RCL1: variants seen among roughly 807,000 people sequenced by gnomAD.
RCL1 encodes the protein RNA terminal phosphate cyclase like 1.
Under a neutral mutation model 42.4 loss-of-function variants are expected in RCL1, and 24 were observed. That is an observed-to-expected ratio of 0.57 (90% CI 0.41 to 0.80). The LOEUF (loss-of-function observed/expected upper bound fraction) is 0.80, where lower values mean the gene tolerates loss of function less well. Ranked by LOEUF, RCL1 falls within the 30% of genes least tolerant of loss-of-function variation. The probability of loss-of-function intolerance (pLI) is 0.00; values close to 1 mark genes in which losing one functional copy is unlikely to be tolerated. For missense variants in RCL1, 578 were observed against 467.9 expected, an observed-to-expected ratio of 1.24 and a Z score of -2.17; for synonymous variants, 228 against 177.3, an observed-to-expected ratio of 1.29 and a Z score of -2.27.
intron 1 of RCL1, among the ~76,000 whole-genome samples, chr9:4,803,302 C>A (rs1358361550): frequency 2.6e-5 from 4 of 152,122 alleles, no homozygotes; most frequent in African/African-American, 7.2e-5. Context: ...TAACCAAGCA[C>A]CATTATTTAG....
intron 7 of RCL1, among the ~76,000 whole-genome samples, chr9:4,846,379 G>T (rs189124034): frequency 1.3e-5 from 2 of 152,192 alleles, no homozygotes; most frequent in Non-Finnish European, 2.9e-5. Flanking sequence ...GAAGGAGGAG[G>T]TATTCTTTGA....
In RCL1 at chr9:4,860,121, T is replaced by C; in HGVS notation, c.972-4T>C. 6.4e-7 allele frequency: 1 copy of C among 1,560,882 alleles called. No individual in the cohort carries two copies. Among genetic ancestry groups the C allele is most frequent in the South Asian group, 1.2e-5 (1 of 80,528 alleles). ...ATTTATTTATTTATTTTTTTCCTTT[T>C]TAGGATAGAATTTTTGCGGCATTTG... On this transcript the variant is annotated splice_polypyrimidine_tract_variant and splice_region_variant and intron_variant, in intron 8 of 8. Transcript: ENST00000381750.
At chr9:4,850,922 G>T (rs571716867) in intron 8 of RCL1, among the ~76,000 whole-genome samples, 88 of 152,286 alleles carry the variant, frequency 5.8e-4, no homozygotes, top group African/African-American at 1.9e-3. Context: ...TGCACACACG[G>T]TATGAGGTAT....
At chr9:4,839,692 A>AG in intron 5 of RCL1, 1 of 985,274 alleles carries the variant, frequency 1.0e-6, no homozygotes, top group South Asian at 4.7e-5. Context: ...TCCTCATTTC[A>AG]GGTTTGTCCT....
At chr9:4,801,212 T>C (rs954188706) in intron 1 of RCL1, among the ~76,000 whole-genome samples, 5 of 152,192 alleles carry the variant, frequency 3.3e-5, no homozygotes, top group Admixed American at 3.3e-4. Flanking sequence ...TGCTTTTTCA[T>C]CCAGGCTTGA....
chr9:4,796,121 G>A (rs562502251), intron 1 of RCL1, among the ~76,000 whole-genome samples: 112 of 152,146 alleles, frequency 7.4e-4, no homozygotes, highest in Non-Finnish European at 1.5e-3. Flanking sequence ...GGGGGTACAT[G>A]TGCATGTTTG....
At chr9:4,833,570 C>G (rs1470230752) in intron 4 of RCL1, among the ~76,000 whole-genome samples, 1 of 152,194 alleles carries the variant, frequency 6.6e-6, no homozygotes, top group Non-Finnish European at 1.5e-5. Flanking sequence ...GCTCTCTGAT[C>G]TAAATGATCT....
chr9:4,823,441 C>T (rs1009643954), intron 1 of RCL1, 107 bp from the exon 2 acceptor site: 45 of 795,444 alleles, frequency 5.7e-5, no homozygotes, highest in Admixed American at 2.4e-4. Flanking sequence ...CAGGAAGTAA[C>T]CTGCCCTCTA....
At chr9:4,851,883 C>CTTTTTT (rs1374859963) in intron 8 of RCL1, among the ~76,000 whole-genome samples, 3 of 29,722 alleles carry the variant, frequency 1.0e-4, no homozygotes, top group Non-Finnish European at 1.3e-4. Flanking sequence ...ATGTGTGAAA[C>CTTTTTT]TCTTTTTTTT....
chr9:4,803,286 C>T (rs1034229372), intron 1 of RCL1, among the ~76,000 whole-genome samples: 2 of 152,106 alleles, frequency 1.3e-5, no homozygotes, highest in East Asian at 3.9e-4. Context: ...CTTTTAGAAC[C>T]AAGACTAACC....
intron 8 of RCL1, 29 bp from the exon 9 acceptor site, chr9:4,860,092 TTTTA>T (rs746395667): frequency 2.0e-5 from 28 of 1,428,246 alleles, no homozygotes; most frequent in South Asian, 5.6e-5. Flanking sequence ...ATGAATTTCT[TTTTA>T]TTTATTTATT....
intron 1 of RCL1, among the ~76,000 whole-genome samples, chr9:4,814,049 G>A (rs12000272): frequency 0.025 from 3,828 of 152,022 alleles, 148 homozygotes; most frequent in African/African-American, 0.085. Flanking sequence ...GGGGTGGGGG[G>A]AATGACGAGT....
chr9:4,828,209 A>C (rs1325379516), intron 3 of RCL1, among the ~76,000 whole-genome samples: 2 of 151,706 alleles, frequency 1.3e-5, no homozygotes, highest in African/African-American at 4.8e-5. Context: ...CATGATGCAA[A>C]GTACTGAGGT....
chr9:4,799,268 C>T (rs1444790522), intron 1 of RCL1, among the ~76,000 whole-genome samples: 1 of 151,950 alleles, frequency 6.6e-6, no homozygotes, highest in African/African-American at 2.4e-5. Context: ...GCCACAGTGC[C>T]TGGCCGTAAG....
chr9:4,816,382 CT>C (rs1301432300), intron 1 of RCL1, among the ~76,000 whole-genome samples: 3 of 152,180 alleles, frequency 2.0e-5, no homozygotes, highest in African/African-American at 7.2e-5. Flanking sequence ...GATACATTCT[CT>C]GTGAACTTTA....
intron 6 of RCL1, among the ~76,000 whole-genome samples, chr9:4,841,646 C>T (rs899493747): frequency 2.0e-5 from 3 of 152,170 alleles, no homozygotes; most frequent in Non-Finnish European, 2.9e-5. Flanking sequence ...ATTCCATCTG[C>T]ACTCTGTTCC....
intron 7 of RCL1, among the ~76,000 whole-genome samples, chr9:4,845,479 A>T (rs1387307174): frequency 6.6e-6 from 1 of 152,240 alleles, no homozygotes; most frequent in Non-Finnish European, 1.5e-5. Flanking sequence ...GTTTCCTCAA[A>T]ATAGGTGAGG....
At chr9:4,822,053 A>T (rs557991254) in intron 1 of RCL1, among the ~76,000 whole-genome samples, 1 of 152,250 alleles carries the variant, frequency 6.6e-6, no homozygotes, top group Non-Finnish European at 1.5e-5. Flanking sequence ...TGCAACACAC[A>T]GCAGCTTTAT....
Position 4,860,484 on chromosome 9 carries a change from G to C in RCL1, c.*209G>C. On this transcript the variant is annotated 3_prime_UTR_variant, in exon 9 of 9. Coordinates refer to ENST00000381750, the MANE Select transcript of RCL1 (RefSeq NM_005772.5). ...CAGTGGCATTGCCATTGCCCAGGAGGGGCCCAGTCACCATGAGAGCTCCCT... is the reference window on the plus strand; with the variant it reads ...CAGTGGCATTGCCATTGCCCAGGAGCGGCCCAGTCACCATGAGAGCTCCCT... The C allele has an allele frequency of 1.8e-6, 1 of 556,596 alleles. No homozygotes were observed. The highest frequency in any genetic ancestry group is 3.0e-6 in the Non-Finnish European group (1 of 336,884). The allele number at this position is 556,596 out of a possible 1,614,324, so 34.5% of individuals were successfully genotyped here.
Sources: allele counts gnomAD v4.1 joint callset (sites outside exome capture counted in the v4.1 genomes callset), GRCh38; gene constraint gnomAD v4.1.1; transcripts MANE v1.5; gene names NCBI Gene and HGNC (gene_info 2026-07-23, HGNC 2026-07-21).